BICDL1: variants seen among roughly 807,000 people sequenced by gnomAD.
The protein encoded by BICDL1 is BICD family like cargo adaptor 1, also known as BICD family-like cargo adapter 1.
BICDL1 carries 20 observed loss-of-function variants against 76.8 expected under a neutral mutation model. The observed-to-expected ratio is 0.26, with a 90% confidence interval of 0.18 to 0.38. BICDL1 has a LOEUF of 0.38. Among genes scored for constraint, BICDL1 ranks in the 10% least tolerant of loss-of-function variants. The pLI, the probability that BICDL1 is intolerant of heterozygous loss-of-function variation, is 1.00. For synonymous variants in BICDL1, 383 were observed against 337.1 expected, an observed-to-expected ratio of 1.14 and a Z score of -1.49; for missense variants, 700 against 798.6, an observed-to-expected ratio of 0.88 and a Z score of 1.49.
chr12:120,077,486 GC>G (rs67961032), intron 7 of BICDL1, among the ~76,000 whole-genome samples: 40,058 of 151,862 alleles, frequency 0.26, 5,522 homozygotes, highest in East Asian at 0.42. Context: ...TATCGGTGAG[GC>G]CCTCAGCCAG....
intron 8 of BICDL1, among the ~76,000 whole-genome samples, chr12:120,087,917 G>C (rs1056309271): frequency 6.6e-6 from 1 of 152,160 alleles, no homozygotes; most frequent in Admixed American, 6.5e-5. Flanking sequence ...GCATATCCTT[G>C]AACACACAGG....
intron 2 of BICDL1, among the ~76,000 whole-genome samples, chr12:120,017,593 A>G (rs950273764): frequency 3.3e-5 from 5 of 152,116 alleles, no homozygotes; most frequent in African/African-American, 1.2e-4. Context: ...TAAGCTGGGC[A>G]TGGTGGCACA....
chr12:119,989,955 G>T lies in BICDL1; in HGVS notation c.87G>T (p.Ala29=), dbSNP rs919101425. The part of the protein sequence containing the change: ...DSACCMELPA[A]AGDAVRSPAA... Reference sequence around the variant, plus strand: ...CCTGCTGCATGGAGCTGCCCGCCGCGGCCGGGGACGCAGTCCGGAGTCCCG... The same window carrying T: ...CCTGCTGCATGGAGCTGCCCGCCGCTGCCGGGGACGCAGTCCGGAGTCCCG... Residue 29 remains alanine, a synonymous_variant, in exon 1 of 10, where the codon GCG becomes GCT. Transcript: ENST00000548673. The T allele has an allele frequency of 8.2e-6, 12 of 1,463,648 alleles. No individual in the cohort carries two copies. Among genetic ancestry groups the T allele is most frequent in the Non-Finnish European group, 1.1e-5 (12 of 1,122,568 alleles). 90.7% of individuals were successfully genotyped at this position (1,463,648 alleles called of 1,614,324 possible). A position where few individuals can be genotyped will look rare whatever the true frequency, so the allele number is the denominator to read the frequency against.
chr12:120,089,271 C>CGTGTGTGTGTGTGTGTGTATGT (rs1332178136), intron 8 of BICDL1, among the ~76,000 whole-genome samples: 2 of 146,718 alleles, frequency 1.4e-5, no homozygotes, highest in Non-Finnish European at 3.0e-5. Flanking sequence ...CCTTTTTCAA[C>CGTGTGTGTGTGTGTGTGTATGT]GTGTGTGTGT....
Position 119,990,234 on chromosome 12 carries a change from G to A in BICDL1, c.366G>A (p.Glu122=). The change falls in exon 1 of 10, where the codon GAG becomes GAA. Residue 122 remains glutamate (E), a synonymous_variant. Transcript: ENST00000548673. ...LAARLGKALL[E]RNQDMSRQYE... ...CCCGGCTGGGTAAGGCGCTGCTCGA[G>A]AGGAACCAGGACATGAGCCGGCAGT... 1 of 1,576,708 alleles carries A rather than the reference G, an allele frequency of 6.3e-7. No individual in the cohort carries two copies. The highest frequency in any genetic ancestry group is 8.6e-7 in the Non-Finnish European group (1 of 1,162,078).
chr12:120,048,107 G>T (rs1952783417), intron 2 of BICDL1, among the ~76,000 whole-genome samples: 1 of 151,692 alleles, frequency 6.6e-6, no homozygotes, highest in Non-Finnish European at 1.5e-5. Context: ...TGAAATTCCT[G>T]ATCTTTGTTT....
chr12:120,081,045 T>C, intron 8 of BICDL1, 28 bp downstream of exon 8: 1 of 1,607,840 alleles, frequency 6.2e-7, no homozygotes, highest in Non-Finnish European at 8.5e-7. Flanking sequence ...CACTTTATTC[T>C]TAAGATAAAG....
At chr12:120,006,999 A>G (rs2138647205) in intron 2 of BICDL1, among the ~76,000 whole-genome samples, 1 of 152,226 alleles carries the variant, frequency 6.6e-6, no homozygotes, top group Middle Eastern at 3.4e-3. Flanking sequence ...AAGTGTTGAA[A>G]CGGGTTAGGT....
chr12:120,080,309 A>G (rs924631680), intron 7 of BICDL1, among the ~76,000 whole-genome samples: 11 of 152,236 alleles, frequency 7.2e-5, no homozygotes, highest in Non-Finnish European at 1.5e-4. Context: ...AGAAAAGGTA[A>G]CAGGTTTGAG....
rs535793041 is a variant in BICDL1 at position 120,052,318 on chromosome 12, TC to T, written c.646-9391del. Among the ~76,000 whole-genome samples the T allele has an allele frequency of 3.5e-3, 516 of 149,284 alleles. 5 individuals are homozygous for T. In the East Asian group the frequency reaches 0.042, roughly 12 times the overall value. ...TTCTTCCTTCCTTCCTTTCTCTCTCTCTCTCTCTCTTTCTCTGTTTCTCTTT... is the reference window on the plus strand; with the variant it reads ...TTCTTCCTTCCTTCCTTTCTCTCTCTTCTCTCTCTTTCTCTGTTTCTCTTT... On this transcript the variant is annotated intron_variant, in intron 2 of 9. Transcript: ENST00000548673.
chr12:119,991,637 CAG>C (rs1176275757), intron 1 of BICDL1, among the ~76,000 whole-genome samples: 12 of 151,912 alleles, frequency 7.9e-5, no homozygotes, highest in Non-Finnish European at 1.5e-4. Flanking sequence ...TAAAGAGATT[CAG>C]TTGTACGACT....
chr12:119,994,649 C>A (rs1453568768), intron 1 of BICDL1, among the ~76,000 whole-genome samples: 1 of 151,992 alleles, frequency 6.6e-6, no homozygotes, highest in East Asian at 1.9e-4. Flanking sequence ...ACCACCATGC[C>A]CGGCTAATTT....
intron 7 of BICDL1, among the ~76,000 whole-genome samples, chr12:120,078,730 T>G (rs906457446): frequency 6.6e-6 from 1 of 152,244 alleles, no homozygotes; most frequent in Non-Finnish European, 1.5e-5. Flanking sequence ...TCGACCAGGT[T>G]TTTTAGGCCA....
rs3999488 is a variant in BICDL1, at chr12:120,071,031, G to C, written c.910-591G>C. 8.6e-3 allele frequency among the ~76,000 whole-genome samples: 1,302 copies of C among 151,696 alleles called. 18 individuals are homozygous for C. Among genetic ancestry groups the C allele is most frequent in the African/African-American group, 0.029 (1,217 of 41,382 alleles). ...AGGCGTGAGCCACCACGCCCGGCCT[G>C]GTTGGTATAACTCAAGTCTTTTTTT... On this transcript the variant is annotated intron_variant, in intron 4 of 9. Coordinates refer to ENST00000548673, the MANE Select transcript of BICDL1 (RefSeq NM_001367886.1). The surrounding 1 kb of genome is among the most constrained non-coding windows in gnomAD (Gnocchi z 4.8).
intron 1 of BICDL1, 53 bp downstream of exon 1, chr12:119,990,350 G>C: frequency 6.5e-7 from 1 of 1,538,532 alleles, no homozygotes. Context: ...CCAGGCACGC[G>C]CCCGGCCCTG....
chr12:120,086,317 A>G (rs1309459608), intron 8 of BICDL1, among the ~76,000 whole-genome samples: 2 of 152,244 alleles, frequency 1.3e-5, no homozygotes, highest in African/African-American at 4.8e-5. Flanking sequence ...AGCCTAAGGA[A>G]TCATTTAAAG....
chr12:119,991,820 G>A (rs1327699524), intron 1 of BICDL1, among the ~76,000 whole-genome samples: 3 of 152,144 alleles, frequency 2.0e-5, no homozygotes, highest in Admixed American at 2.0e-4. Flanking sequence ...GTTCCATGTG[G>A]AGCCTTTATA....
intron 1 of BICDL1, among the ~76,000 whole-genome samples, chr12:119,995,729 G>C (rs1951629444): frequency 6.6e-6 from 1 of 152,220 alleles, no homozygotes; most frequent in Non-Finnish European, 1.5e-5. Context: ...GCTCACGCCT[G>C]TAATCCCAGC....
At chr12:120,088,730 G>T (rs562549613) in intron 8 of BICDL1, among the ~76,000 whole-genome samples, 2 of 149,174 alleles carry the variant, frequency 1.3e-5, no homozygotes, top group East Asian at 4.0e-4. Flanking sequence ...GCAGTGGCGC[G>T]ATCTGGGCTT....
Sources: allele counts gnomAD v4.1 joint callset (sites outside exome capture counted in the v4.1 genomes callset), GRCh38; gene constraint gnomAD v4.1.1; non-coding constraint Gnocchi (gnomAD v3.1); transcripts MANE v1.5; gene names NCBI Gene and HGNC (gene_info 2026-07-23, HGNC 2026-07-21).